HLTF: variants seen among roughly 807,000 people sequenced by gnomAD.
The protein encoded by HLTF is helicase like transcription factor, also known as DNA-dependent ATPase/E3 ubiquitin-protein ligase HLTF.
A neutral mutation model predicts 129.4 loss-of-function variants in HLTF; 127 were observed. The ratio of observed to expected loss-of-function variants is 0.98; its 90% CI spans 0.85 to 1.14. The LOEUF is 1.14. Ranked by LOEUF, HLTF falls within the 50% of genes most tolerant of loss-of-function variation. HLTF has a pLI of 0.00. For synonymous variants in HLTF, 332 were observed against 388.8 expected (o/e 0.85, Z 1.72); for missense variants, 1,139 against 1,187.1 (o/e 0.96, Z 0.60).
chr3:149,082,157 T>G (rs993093728), intron 2 of HLTF, among the ~76,000 whole-genome samples: 11 of 152,180 alleles, frequency 7.2e-5, no homozygotes, highest in Admixed American at 1.3e-4. Context: ...AACTTATTTA[T>G]AGTGATAGAA....
At chr3:149,041,760 G>A (rs1716153429) in intron 19 of HLTF, 92 bp from the exon 20 acceptor site, 10 of 861,520 alleles carry the variant, frequency 1.2e-5, no homozygotes, top group Non-Finnish European at 1.8e-5. Flanking sequence ...CTTGCCAGTA[G>A]GGAAAGTCTC....
chr3:149,032,379 A>G lies in HLTF; in HGVS notation c.2878-7T>C. 6.9e-7 allele frequency: 1 copy of G among 1,450,898 alleles called. No individual in the cohort carries two copies. The allele number at this position is 1,450,898 out of a possible 1,614,324, so 89.9% of individuals were successfully genotyped here. On this transcript the variant is annotated splice_region_variant and splice_polypyrimidine_tract_variant and intron_variant, in intron 24 of 24. Transcript: ENST00000310053. ...CAGAGTCCTTTACAATGAACTTTAA[A>G]AAGAAAAAAAAAAGTTAAGTAGTTT...
In HLTF at chr3:149,086,417, C is replaced by T. The variant is rs1011888383; in HGVS notation, c.-81G>A. 21 of 1,484,354 alleles carry T rather than the reference C, an allele frequency of 1.4e-5. No homozygotes were observed. The Admixed American group carries it at 3.4e-4, about 24-fold the overall frequency. 91.9% of individuals were successfully genotyped at this position (1,484,354 alleles called of 1,614,324 possible). A position where few individuals can be genotyped will look rare whatever the true frequency, so the allele number is the denominator to read the frequency against. On this transcript the variant is annotated 5_prime_UTR_variant, in exon 1 of 25. Transcript: ENST00000310053. ...CCGCCTCGATACGCCTCCTTCCAGG[C>T]CCCGCAGCCCTGAAGCCGGGGACAA...
chr3:149,085,436 C>G (rs1336284994), intron 1 of HLTF, among the ~76,000 whole-genome samples: 2 of 152,144 alleles, frequency 1.3e-5, no homozygotes, highest in Non-Finnish European at 2.9e-5. Flanking sequence ...TTGCAGCGAG[C>G]CGAGATTGTG....
intron 16 of HLTF, 67 bp downstream of exon 16, chr3:149,048,791 GTTACT>G (rs1716754416): frequency 2.5e-6 from 3 of 1,199,478 alleles, no homozygotes; most frequent in South Asian, 1.4e-5. Context: ...AGTTTACAAA[GTTACT>G]TTACTAACTT....
At chr3:149,047,452 G>T (rs1716634543) in intron 17 of HLTF, among the ~76,000 whole-genome samples, 2 of 152,198 alleles carry the variant, frequency 1.3e-5, no homozygotes, top group South Asian at 4.2e-4. Context: ...GACTAGCCTG[G>T]CCAACATGGC....
chr3:149,079,957 AGTT>A (rs1264997056), intron 2 of HLTF, among the ~76,000 whole-genome samples: 11 of 152,304 alleles, frequency 7.2e-5, no homozygotes, highest in African/African-American at 2.4e-4. Flanking sequence ...TTATAAATTA[AGTT>A]GTTAATTGTA....
At chr3:149,041,754 C>A in intron 19 of HLTF, 86 bp from the exon 20 acceptor site, 2 of 897,774 alleles carry the variant, frequency 2.2e-6, no homozygotes, top group South Asian at 1.7e-5. Flanking sequence ...GTTTCGCTTG[C>A]CAGTAGGGAA....
chr3:149,050,636 G>A (rs535818524), intron 14 of HLTF, among the ~76,000 whole-genome samples: 124 of 152,266 alleles, frequency 8.1e-4, no homozygotes, highest in African/African-American at 2.9e-3. Context: ...CAAAGTTATT[G>A]AAAACAATAA....
chr3:149,044,658 A>G (rs1716394817), intron 18 of HLTF, among the ~76,000 whole-genome samples: 1 of 152,110 alleles, frequency 6.6e-6, no homozygotes, highest in African/African-American at 2.4e-5. Flanking sequence ...TCCAAAACTG[A>G]GCTTCTGATC....
chr3:149,071,767 C>T, intron 5 of HLTF, 110 bp from the exon 6 acceptor site: 1 of 725,360 alleles, frequency 1.4e-6, no homozygotes, highest in Non-Finnish European at 2.3e-6. Context: ...GTCAAACGGG[C>T]CAGGAGTGGT....
At chr3:149,034,040 C>A in intron 24 of HLTF, among the ~76,000 whole-genome samples, 1 of 152,012 alleles carries the variant, frequency 6.6e-6, no homozygotes, top group Non-Finnish European at 1.5e-5. Flanking sequence ...ACTATGAGAA[C>A]TGGACAGAAG....
intron 14 of HLTF, 59 bp downstream of exon 14, chr3:149,055,244 T>TTCTGTTA: frequency 8.1e-7 from 1 of 1,227,206 alleles, no homozygotes; most frequent in Admixed American, 1.8e-5. Flanking sequence ...ACAGAATACT[T>TTCTGTTA]TCTACCTTGT....
Position 149,084,786 on chromosome 3 carries a change from C to A in HLTF, c.124G>T (p.Val42Phe), listed in dbSNP as rs61750366. ...GTTAGAAAGTCATCTGGAGGGATAA[C>A]ATCTTGGAATTCAAAACGTGGAAAG... ...TFFPRFEFQDVIPPDDFLTSD... is the reference protein window; with the variant it reads ...TFFPRFEFQDFIPPDDFLTSD... Residue 42 changes from valine to phenylalanine, a missense_variant, in exon 2 of 25, where the codon GTT becomes TTT. Transcript: ENST00000310053. 75 of 1,613,846 alleles carry A rather than the reference C, an allele frequency of 4.6e-5. No individual in the cohort carries two copies. Among genetic ancestry groups the A allele is most frequent in the Non-Finnish European group, 6.0e-5 (71 of 1,179,892 alleles).
chr3:149,079,150 C>T (rs1248931122), intron 2 of HLTF, among the ~76,000 whole-genome samples: 1 of 151,828 alleles, frequency 6.6e-6, no homozygotes, highest in Non-Finnish European at 1.5e-5. Flanking sequence ...AACACACATA[C>T]ATAAGAGTAC....
chr3:149,056,497 C>G (rs1488326312), intron 13 of HLTF, among the ~76,000 whole-genome samples: 1 of 152,164 alleles, frequency 6.6e-6, no homozygotes, highest in Non-Finnish European at 1.5e-5. Flanking sequence ...AAGTATCATA[C>G]TGTATCTACG....
Position 149,068,347 on chromosome 3 carries a change from T to C in HLTF, c.895-12A>G. 1 of 1,285,412 alleles carries C rather than the reference T, an allele frequency of 7.8e-7. No individual in the cohort carries two copies. Among genetic ancestry groups the C allele is most frequent in the African/African-American group, 1.5e-5 (1 of 66,392 alleles). 79.6% of individuals were successfully genotyped at this position (1,285,412 alleles called of 1,614,324 possible). On this transcript the variant is annotated splice_polypyrimidine_tract_variant and intron_variant, in intron 7 of 24. Transcript: ENST00000310053. ...GTAAGAGTTTTACCCTTAAAAATGT[T>C]TTAAAAAGATAAATGGTCAGATTGT...
intron 13 of HLTF, chr3:149,059,370 TA>T: frequency 2.4e-6 from 1 of 413,198 alleles, no homozygotes; most frequent in South Asian, 1.8e-5. Flanking sequence ...AAGCAAATTC[TA>T]ATACCAAAAA....
chr3:149,056,644 C>G (rs1717461620), intron 13 of HLTF, among the ~76,000 whole-genome samples: 2 of 151,902 alleles, frequency 1.3e-5, no homozygotes, highest in African/African-American at 2.4e-5. Flanking sequence ...ATGTTTTTTC[C>G]CTATATATAC....
Sources: allele counts gnomAD v4.1 joint callset (sites outside exome capture counted in the v4.1 genomes callset), GRCh38; gene constraint gnomAD v4.1.1; transcripts MANE v1.5; gene names NCBI Gene and HGNC (gene_info 2026-07-23, HGNC 2026-07-21).